The following KYNU variants were observed in gnomAD, a reference collection of about 807,000 sequenced individuals.
The protein encoded by KYNU is kynureninase.
Under a neutral mutation model 59.2 loss-of-function variants are expected in KYNU, and 54 were observed. The ratio of observed to expected loss-of-function variants is 0.91; its 90% CI spans 0.73 to 1.14. The LOEUF (loss-of-function observed/expected upper bound fraction) is 1.14. Among genes scored for constraint, KYNU ranks in the 50% most tolerant of loss-of-function variants. KYNU has a pLI of 0.00. For missense variants in KYNU, 567 were observed against 554.4 expected (o/e 1.02, Z -0.23); for synonymous variants, 177 against 192.0 (o/e 0.92, Z 0.65).
chr2:142,891,227 G>A (rs1454660450), intron 2 of KYNU, among the ~76,000 whole-genome samples: 1 of 152,054 alleles, frequency 6.6e-6, no homozygotes, highest in South Asian at 2.1e-4. Context: ...AATTGCATAT[G>A]ATTACAGTAC....
chr2:142,911,673 G>A (rs573762186), intron 2 of KYNU, among the ~76,000 whole-genome samples: 4 of 152,048 alleles, frequency 2.6e-5, no homozygotes, highest in Non-Finnish European at 4.4e-5. Flanking sequence ...TATGATGTTC[G>A]CTGTGAGTTT....
chr2:142,884,763 G>A (rs1324887199), intron 1 of KYNU, among the ~76,000 whole-genome samples: 1 of 140,550 alleles, frequency 7.1e-6, no homozygotes, highest in African/African-American at 2.7e-5. Context: ...CTGGAGTGCG[G>A]TGGTACAATC....
At chr2:142,896,281 A>G (rs1573760155) in intron 2 of KYNU, among the ~76,000 whole-genome samples, 1 of 152,100 alleles carries the variant, frequency 6.6e-6, no homozygotes, top group African/African-American at 2.4e-5. Context: ...GTTGTTCCCC[A>G]TATTCACCCC....
intron 10 of KYNU, among the ~76,000 whole-genome samples, chr2:143,023,996 A>G (rs1327122581): frequency 1.3e-5 from 2 of 151,802 alleles, no homozygotes; most frequent in African/African-American, 4.8e-5. Context: ...ACACTCAATT[A>G]AAATAAATAA....
intron 9 of KYNU, 146 bp from the exon 10 acceptor site, chr2:142,985,802 T>G (rs1241797972): frequency 1.0e-5 from 6 of 599,336 alleles, no homozygotes; most frequent in Non-Finnish European, 1.8e-5. Context: ...GACCTAAGCT[T>G]CTGTTTTATC....
At chr2:143,038,296 C>T (rs190274951) in intron 12 of KYNU, among the ~76,000 whole-genome samples, 183 of 152,220 alleles carry the variant, frequency 1.2e-3, no homozygotes, top group Non-Finnish European at 2.1e-3. Context: ...AGATTCCTCA[C>T]ATAGTCTTTT....
chr2:142,964,115 G>GT (rs1684447676), intron 8 of KYNU, among the ~76,000 whole-genome samples: 1 of 144,612 alleles, frequency 6.9e-6, no homozygotes, highest in South Asian at 2.1e-4. Context: ...CAGTACTTTT[G>GT]TTTGTTTTTT....
At chr2:142,890,235 G>A (rs1681670690) in intron 2 of KYNU, among the ~76,000 whole-genome samples, 1 of 151,998 alleles carries the variant, frequency 6.6e-6, no homozygotes, top group Non-Finnish European at 1.5e-5. Flanking sequence ...GCATACATGT[G>A]GAAAGATATC....
Position 143,051,506 on chromosome 2 carries a change from G to A in KYNU, c.*9334G>A, listed in dbSNP as rs940261544. On this transcript the variant is annotated 3_prime_UTR_variant, in exon 14 of 14. Coordinates refer to ENST00000264170, the MANE Select transcript of KYNU (RefSeq NM_003937.3). ...TTTTCAATTTTGTCTGGGATAATAAGATGTTTTATTTAACTTGTTTGATTT... is the reference window on the plus strand; with the variant it reads ...TTTTCAATTTTGTCTGGGATAATAAAATGTTTTATTTAACTTGTTTGATTT... 1 of 152,018 alleles carries A rather than the reference G, an allele frequency of 6.6e-6. No homozygotes were observed. The highest frequency in any genetic ancestry group is 2.4e-5 in the African/African-American group (1 of 41,392). 9.4% of individuals were successfully genotyped at this position (152,018 alleles called of 1,614,324 possible). A position where few individuals can be genotyped will look rare whatever the true frequency, so the allele number is the denominator to read the frequency against.
In KYNU at chr2:143,050,520, T is replaced by C. The variant is rs1687247421; in HGVS notation, c.*8348T>C. On this transcript the variant is annotated 3_prime_UTR_variant, in exon 14 of 14. Coordinates refer to ENST00000264170, the MANE Select transcript of KYNU (RefSeq NM_003937.3). ...TACGTAGTATTCCATGGTGTATATATACCACATTTTCTTCATCCAGTCATG... is the reference window on the plus strand; with the variant it reads ...TACGTAGTATTCCATGGTGTATATACACCACATTTTCTTCATCCAGTCATG... The C allele has an allele frequency of 6.6e-6, 1 of 152,200 alleles. No individual in the cohort carries two copies. The highest frequency in any genetic ancestry group is 1.5e-5 in the Non-Finnish European group (1 of 68,046). 9.4% of individuals were successfully genotyped at this position (152,200 alleles called of 1,614,324 possible).
chr2:142,949,240 G>A (rs1017385064), intron 4 of KYNU, among the ~76,000 whole-genome samples: 20 of 152,300 alleles, frequency 1.3e-4, no homozygotes, highest in African/African-American at 3.6e-4. Flanking sequence ...TTTTCTGGGC[G>A]CATGGTGCAA....
intron 10 of KYNU, among the ~76,000 whole-genome samples, chr2:143,018,909 T>G (rs1019531580): frequency 6.6e-6 from 1 of 152,114 alleles, no homozygotes; most frequent in Non-Finnish European, 1.5e-5. Flanking sequence ...GTAAATGGGA[T>G]TGTATTATTG....
In KYNU at chr2:142,965,940, G is replaced by A. The variant is rs74329366; in HGVS notation, c.729+5170G>A. Among the ~76,000 whole-genome samples the A allele has an allele frequency of 3.6e-3, 536 of 149,146 alleles. 3 individuals carry two copies. The highest frequency in any genetic ancestry group is 0.019 in the East Asian group (97 of 5,108). ...TTCTATCCCTTTATTCTTCCCCCTCGCTCTCCTTTCTTTTTGTTCTCTCCC... is the reference window on the plus strand; with the variant it reads ...TTCTATCCCTTTATTCTTCCCCCTCACTCTCCTTTCTTTTTGTTCTCTCCC... On this transcript the variant is annotated intron_variant, in intron 8 of 13. Coordinates refer to ENST00000264170, the MANE Select transcript of KYNU (RefSeq NM_003937.3).
chr2:142,918,578 T>TA lies in KYNU; in HGVS notation c.170-31_170-30insA, dbSNP rs1682755116. On this transcript the variant is annotated intron_variant, in intron 2 of 13. Coordinates refer to ENST00000264170, the MANE Select transcript of KYNU (RefSeq NM_003937.3). ...CCATACTGAAAAAGCTTTTATTTTT[T>TA]TTTTTTTTTTTGACATTTCTTCTGT... is the stretch of plus-strand genomic sequence containing the variant. 10 of 1,488,242 alleles carry TA rather than the reference T, an allele frequency of 6.7e-6. No individual in the cohort carries two copies. The African/African-American group carries it at 1.0e-4, about 15-fold the overall frequency. 92.2% of individuals were successfully genotyped at this position (1,488,242 alleles called of 1,614,324 possible).
intron 11 of KYNU, among the ~76,000 whole-genome samples, chr2:143,030,117 T>C (rs567033565): frequency 6.6e-6 from 1 of 152,360 alleles, no homozygotes; most frequent in Admixed American, 6.5e-5. Flanking sequence ...TTATCTAATG[T>C]GAATAATAAA....
intron 4 of KYNU, among the ~76,000 whole-genome samples, chr2:142,937,136 C>T (rs966900281): frequency 6.6e-6 from 1 of 152,090 alleles, no homozygotes; most frequent in Non-Finnish European, 1.5e-5. Flanking sequence ...TATGTGTCTT[C>T]CAACCAGGGT....
chr2:142,996,404 G>A (rs11902161), intron 10 of KYNU, among the ~76,000 whole-genome samples: 40,154 of 151,870 alleles, frequency 0.26, 7,265 homozygotes, highest in African/African-American at 0.51. Context: ...TATTTTGTAG[G>A]GACGGGGTCT....
intron 2 of KYNU, among the ~76,000 whole-genome samples, chr2:142,887,035 T>TA (rs1395200656): frequency 6.6e-6 from 1 of 152,006 alleles, no homozygotes; most frequent in African/African-American, 2.4e-5. Context: ...CCGGGCGTAG[T>TA]GGCGGGCGCC....
At chr2:142,898,311 G>T (rs1681952988) in intron 2 of KYNU, among the ~76,000 whole-genome samples, 1 of 148,416 alleles carries the variant, frequency 6.7e-6, no homozygotes, top group Non-Finnish European at 1.5e-5. Context: ...CCTAGCAATT[G>T]CTGCAGCCAA....
Sources: allele counts gnomAD v4.1 joint callset (sites outside exome capture counted in the v4.1 genomes callset), GRCh38; gene constraint gnomAD v4.1.1; transcripts MANE v1.5; gene names NCBI Gene and HGNC (gene_info 2026-07-23, HGNC 2026-07-21).